Variants in MRTFB observed in about 807,000 individuals in gnomAD.
MRTFB encodes the protein myocardin related transcription factor B.
MRTFB carries 29 observed loss-of-function variants against 104.2 expected under a neutral mutation model. The observed-to-expected ratio is 0.28, with a 90% CI of 0.21 to 0.38. The LOEUF is 0.38. MRTFB is among the 10% of genes least tolerant of loss of function. MRTFB has a pLI of 1.00. For synonymous variants in MRTFB, 535 were observed against 519.5 expected (o/e 1.03, Z -0.41); for missense variants, 1,270 against 1,341.6 (o/e 0.95, Z 0.83).
chr16:14,211,175 T>G (rs962346282), intron 4 of MRTFB, among the ~76,000 whole-genome samples: 2 of 152,242 alleles, frequency 1.3e-5, no homozygotes, highest in Non-Finnish European at 2.9e-5. Context: ...GTAAAACCTT[T>G]TTTTTCTGGA....
chr16:14,241,844 G>T (rs1456160407), intron 10 of MRTFB, among the ~76,000 whole-genome samples: 1 of 151,984 alleles, frequency 6.6e-6, no homozygotes, highest in African/African-American at 2.4e-5. Context: ...CATTGGAAGG[G>T]AATCAGGGGA....
At chr16:14,163,269 TA>T (rs1224653255) in intron 3 of MRTFB, among the ~76,000 whole-genome samples, 1 of 152,198 alleles carries the variant, frequency 6.6e-6, no homozygotes, top group African/African-American at 2.4e-5. Flanking sequence ...CAATTGGAAA[TA>T]AGTCAGGTAT....
chr16:14,061,095 A>G, the MRTFB span, among the ~76,000 whole-genome samples: 6 of 152,138 alleles, frequency 3.9e-5, no homozygotes, highest in East Asian at 1.9e-4. Flanking sequence ...GCAGTGAGCC[A>G]AGATGGCGCC....
At chr16:14,129,415 T>C (rs577642319) in intron 2 of MRTFB, among the ~76,000 whole-genome samples, 19 of 152,380 alleles carry the variant, frequency 1.2e-4, no homozygotes, top group African/African-American at 4.6e-4. Context: ...CTGAATATTA[T>C]TTCATTAGGA....
chr16:14,251,912 T>C lies in MRTFB; in HGVS notation c.2454T>C (p.His818=), dbSNP rs770486774. The change falls in exon 14 of 17, where the codon CAT becomes CAC. Residue 818 remains histidine (H), a synonymous_variant. Coordinates refer to ENST00000571589, the MANE Select transcript of MRTFB (RefSeq NM_001308142.2). ...SSNTVLPYQR[H]PAPAVQQPFI... ...ATACAGTTCTTCCATATCAGAGACA[T>C]CCTGCCCCAGCTGTCCAGCAGCCCT... 3.7e-6 allele frequency: 6 copies of C among 1,614,094 alleles called. No homozygotes were observed. In the Admixed American group the frequency reaches 1.0e-4, roughly 27 times the overall value.
the MRTFB span, among the ~76,000 whole-genome samples, chr16:14,023,136 G>T: frequency 6.6e-6 from 1 of 152,062 alleles, no homozygotes; most frequent in Non-Finnish European, 1.5e-5. Flanking sequence ...CGCAGAGCTG[G>T]TTTACAAATA....
chr16:14,203,847 C>T (rs968687973), intron 3 of MRTFB, among the ~76,000 whole-genome samples: 1 of 146,028 alleles, frequency 6.8e-6, no homozygotes, highest in Non-Finnish European at 1.5e-5. Context: ...ATTCTACTTA[C>T]GGAAACAAAA....
chr16:14,020,741 T>A, the MRTFB span, among the ~76,000 whole-genome samples: 4 of 152,234 alleles, frequency 2.6e-5, no homozygotes, highest in Non-Finnish European at 5.9e-5. Flanking sequence ...CTGTTGCCAA[T>A]GAGCCCTTAA....
intron 3 of MRTFB, among the ~76,000 whole-genome samples, chr16:14,147,830 C>G (rs1168798159): frequency 6.6e-6 from 1 of 152,090 alleles, no homozygotes; most frequent in Non-Finnish European, 1.5e-5. Context: ...GTTGAAATAC[C>G]TTTGAGGCAT....
intron 8 of MRTFB, among the ~76,000 whole-genome samples, chr16:14,230,192 T>G (rs1431660895): frequency 6.6e-6 from 1 of 152,146 alleles, no homozygotes; most frequent in East Asian, 1.9e-4. Flanking sequence ...GAAGAAAACC[T>G]AGGCATTACC....
At chr16:14,041,150 G>C in the MRTFB span, among the ~76,000 whole-genome samples, 3 of 151,912 alleles carry the variant, frequency 2.0e-5, no homozygotes, top group Non-Finnish European at 2.9e-5. Flanking sequence ...AGGAAGGAGT[G>C]GGGGGCGGGG....
intron 15 of MRTFB, among the ~76,000 whole-genome samples, chr16:14,256,152 T>A (rs1453737525): frequency 7.0e-5 from 8 of 114,160 alleles, no homozygotes; most frequent in African/African-American, 1.5e-4. Flanking sequence ...GATACAAAAA[T>A]GTCAAATTTT....
the MRTFB span, among the ~76,000 whole-genome samples, chr16:13,996,506 C>T: frequency 1.3e-5 from 2 of 152,160 alleles, no homozygotes; most frequent in Admixed American, 6.5e-5. Flanking sequence ...ATCCATTCTT[C>T]CATTCAAAAA....
At chr16:14,239,185 A>C (rs773692009) in intron 9 of MRTFB, among the ~76,000 whole-genome samples, 1 of 152,102 alleles carries the variant, frequency 6.6e-6, no homozygotes, top group Non-Finnish European at 1.5e-5. Flanking sequence ...ATGTCAGATG[A>C]AGAGAGAAAG....
chr16:14,146,413 T>G (rs1250180274), intron 3 of MRTFB, among the ~76,000 whole-genome samples: 4 of 152,236 alleles, frequency 2.6e-5, no homozygotes, highest in Non-Finnish European at 5.9e-5. Flanking sequence ...AGTCCTATCT[T>G]GAAATCTTCT....
At chr16:14,259,537 G>A (rs1193231270) in intron 16 of MRTFB, among the ~76,000 whole-genome samples, 2 of 152,068 alleles carry the variant, frequency 1.3e-5, no homozygotes, top group Non-Finnish European at 2.9e-5. Flanking sequence ...ACGGCAAGCG[G>A]ATCACCTGAG....
At chr16:14,218,738 G>A (rs2041544808) in intron 7 of MRTFB, 82 bp from the exon 8 acceptor site, 2 of 1,380,736 alleles carry the variant, frequency 1.4e-6, no homozygotes, top group African/African-American at 2.9e-5. Context: ...ATTTTCATAG[G>A]AAACAATGTT....
chr16:14,236,362 G>T (rs888953602), intron 9 of MRTFB, among the ~76,000 whole-genome samples: 1 of 152,192 alleles, frequency 6.6e-6, no homozygotes, highest in Non-Finnish European at 1.5e-5. Flanking sequence ...GCACATTCAC[G>T]ATTCATTTGT....
intron 2 of MRTFB, among the ~76,000 whole-genome samples, chr16:14,132,754 G>T (rs1228259531): frequency 6.6e-6 from 1 of 152,104 alleles, no homozygotes; most frequent in Non-Finnish European, 1.5e-5. Context: ...TTAGCCATCC[G>T]CCTCTTGACC....
Sources: gnomAD v4.1 joint callset for allele counts (sites outside exome capture counted in the v4.1 genomes callset) on GRCh38, gnomAD v4.1.1 for gene constraint, MANE v1.5 for transcripts, NCBI Gene and HGNC (gene_info 2026-07-23, HGNC 2026-07-21) for gene names.